Variants in INTS9 observed in about 807,000 individuals in gnomAD.
The protein encoded by INTS9 is integrator complex subunit 9.
In INTS9, 55 loss-of-function variants were observed where a neutral mutation model predicts 79.7. The observed-to-expected ratio is 0.69, with a 90% CI of 0.56 to 0.86. INTS9 has a LOEUF of 0.86. Ranked by LOEUF, INTS9 falls within the 40% of genes least tolerant of loss-of-function variation. The pLI, the probability that INTS9 is intolerant of heterozygous loss-of-function variation, is 0.00. For synonymous variants in INTS9, 319 were observed against 325.2 expected (o/e 0.98, Z 0.20); for missense variants, 721 against 831.5 (o/e 0.87, Z 1.64).
At chr8:28,820,239 T>C (rs1805750180) in intron 6 of INTS9, among the ~76,000 whole-genome samples, 1 of 152,260 alleles carries the variant, frequency 6.6e-6, no homozygotes, top group Admixed American at 6.5e-5. Flanking sequence ...TGCAGTTTCT[T>C]CCTAGCCTTG....
At chr8:28,834,306 T>G (rs1806672898) in intron 6 of INTS9, among the ~76,000 whole-genome samples, 2 of 152,172 alleles carry the variant, frequency 1.3e-5, no homozygotes, top group South Asian at 4.1e-4. Context: ...CCAGAGTTAC[T>G]TTCCCCAAAA....
chr8:28,862,127 C>T (rs1808496079), intron 1 of INTS9: 1 of 985,476 alleles, frequency 1.0e-6, no homozygotes, highest in South Asian at 4.7e-5. Context: ...GGCCCAGACC[C>T]TGTGGCCTCC....
chr8:28,778,067 C>T, intron 12 of INTS9, 114 bp from the exon 13 acceptor site: 2 of 1,182,664 alleles, frequency 1.7e-6, no homozygotes, highest in Non-Finnish European at 2.3e-6. Flanking sequence ...AGGAGGGAGC[C>T]AGGAAGCACA....
intron 6 of INTS9, among the ~76,000 whole-genome samples, chr8:28,815,611 C>G (rs567778724): frequency 5.3e-5 from 8 of 152,216 alleles, no homozygotes; most frequent in African/African-American, 1.9e-4. Flanking sequence ...GTCTGAAACA[C>G]TTTGGTCCCA....
At chr8:28,782,669 A>C (rs1311453275) in intron 11 of INTS9, among the ~76,000 whole-genome samples, 1 of 152,256 alleles carries the variant, frequency 6.6e-6, no homozygotes, top group Non-Finnish European at 1.5e-5. Flanking sequence ...TAATTCCAGC[A>C]CTTTGGGAGA....
At chr8:28,773,102 A>C (rs923088930) in intron 14 of INTS9, among the ~76,000 whole-genome samples, 2 of 152,254 alleles carry the variant, frequency 1.3e-5, no homozygotes, top group African/African-American at 4.8e-5. Flanking sequence ...ATATATGGAC[A>C]AAGATTTATG....
In INTS9 at chr8:28,796,568, C is replaced by A; in HGVS notation, c.832G>T (p.Val278Leu). Residue 278 changes from valine to leucine, a missense_variant, in exon 9 of 17, where the codon GTG becomes TTG. Val to Leu is a conservative substitution (Grantham distance 32). Transcript: ENST00000521022. ...QIPTANPDGM[V>L]GEFCSNLALT... Reference sequence around the variant, plus strand: ...CCTAGGTTGCTGCAGAACTCTCCCACCATTCCATCTGGGTTTGCAGTGGGG... The same window carrying A: ...CCTAGGTTGCTGCAGAACTCTCCCAACATTCCATCTGGGTTTGCAGTGGGG... 1 of 1,612,716 alleles carries A rather than the reference C, an allele frequency of 6.2e-7. No individual in the cohort carries two copies. Among genetic ancestry groups the A allele is most frequent in the Non-Finnish European group, 8.5e-7 (1 of 1,178,712 alleles).
At chr8:28,834,424 C>A (rs984194460) in intron 6 of INTS9, among the ~76,000 whole-genome samples, 1 of 152,212 alleles carries the variant, frequency 6.6e-6, no homozygotes, top group African/African-American at 2.4e-5. Context: ...CTTGCTCCAA[C>A]TCACCCCTTT....
intron 1 of INTS9, among the ~76,000 whole-genome samples, chr8:28,869,806 T>C (rs529579423): frequency 6.6e-6 from 1 of 152,154 alleles, no homozygotes; most frequent in Non-Finnish European, 1.5e-5. Flanking sequence ...AATCTTAGCA[T>C]GCATGGTGAA....
At chr8:28,809,740 G>C (rs904886916) in intron 8 of INTS9, among the ~76,000 whole-genome samples, 3 of 152,158 alleles carry the variant, frequency 2.0e-5, no homozygotes, top group African/African-American at 4.8e-5. Context: ...AAAAAATTTT[G>C]ATTCAATGAA....
intron 2 of INTS9, among the ~76,000 whole-genome samples, chr8:28,854,654 G>T (rs1384452444): frequency 6.6e-6 from 1 of 152,288 alleles, no homozygotes; most frequent in Non-Finnish European, 1.5e-5. Flanking sequence ...AGGTGCCAGC[G>T]ATAGGACTGT....
chr8:28,881,159 G>A (rs1251930943), intron 1 of INTS9, among the ~76,000 whole-genome samples: 26 of 144,702 alleles, frequency 1.8e-4, no homozygotes, highest in African/African-American at 6.2e-4. Context: ...TGGCCGCCCC[G>A]TCCGGGAGGT....
chr8:28,878,643 A>ATTT lies in INTS9; in HGVS notation c.9+11230_9+11231insAAA, dbSNP rs1563316348. Among the ~76,000 whole-genome samples, 222 of 145,504 alleles carry ATTT rather than the reference A, an allele frequency of 1.5e-3. 1 individual carries two copies. Among genetic ancestry groups the ATTT allele is most frequent in the African/African-American group, 5.7e-3 (209 of 36,912 alleles). On this transcript the variant is annotated intron_variant, in intron 1 of 16. Transcript: ENST00000521022. The stretch of plus-strand genomic sequence containing the variant: ...GGCCTTCACTGTTTTTTTTTTTTTA[A>ATTT]AAAAAAAACAAAACAAAAAACTCTT...
rs558245575 is a variant in INTS9, at chr8:28,817,795, T to C, written c.489-4183A>G. 1.4e-4 allele frequency among the ~76,000 whole-genome samples: 21 copies of C among 146,376 alleles called. 1 individual carries two copies. The highest frequency in any genetic ancestry group is 6.2e-4 in the Admixed American group (9 of 14,626). On this transcript the variant is annotated intron_variant, in intron 6 of 16. Coordinates refer to ENST00000521022, the MANE Select transcript of INTS9 (RefSeq NM_018250.4). ...ATTCTTCCTACCCATGAGCATGGAA[T>C]GTTCTTCCATTTGTTTGTACCCTCT...
At chr8:28,774,949 A>G (rs965029181) in intron 14 of INTS9, among the ~76,000 whole-genome samples, 26 of 152,226 alleles carry the variant, frequency 1.7e-4, no homozygotes, top group African/African-American at 6.0e-4. Flanking sequence ...AACTGAAGCT[A>G]AGAGTTCACA....
At chr8:28,835,512 G>A (rs1482181940) in intron 5 of INTS9, 134 bp from the exon 6 acceptor site, 3 of 589,198 alleles carry the variant, frequency 5.1e-6, no homozygotes, top group Non-Finnish European at 9.0e-6. Context: ...CCTCTCTGCT[G>A]CACATAAACT....
At chr8:28,778,356 CAG>C (rs1348151255) in intron 12 of INTS9, among the ~76,000 whole-genome samples, 1 of 152,116 alleles carries the variant, frequency 6.6e-6, no homozygotes, top group Admixed American at 6.5e-5. Flanking sequence ...TGAGGGAGAA[CAG>C]AATATGTATA....
intron 13 of INTS9, among the ~76,000 whole-genome samples, chr8:28,776,438 TTG>T (rs111512573): frequency 0.53 from 72,286 of 136,294 alleles, 18,161 homozygotes; most frequent in Non-Finnish European, 0.55. Flanking sequence ...TTTTTTTTTT[TTG>T]TTTTTTTTTT....
chr8:28,859,013 A>C (rs1225656227), intron 2 of INTS9, among the ~76,000 whole-genome samples: 1 of 152,250 alleles, frequency 6.6e-6, no homozygotes, highest in Non-Finnish European at 1.5e-5. Flanking sequence ...TCTAAAGTTG[A>C]CTTAGTATGA....
Sources: allele counts gnomAD v4.1 joint callset (sites outside exome capture counted in the v4.1 genomes callset), GRCh38; gene constraint gnomAD v4.1.1; transcripts MANE v1.5; gene names NCBI Gene and HGNC (gene_info 2026-07-23, HGNC 2026-07-21).